CALN1: variants seen among roughly 807,000 people sequenced by gnomAD.
CALN1 encodes calcium-binding protein 8.
CALN1 carries 17 observed loss-of-function variants against 30.6 expected under a neutral mutation model. The observed-to-expected ratio is 0.56, with a 90% CI of 0.38 to 0.83. The LOEUF is 0.83. Ranked by LOEUF, CALN1 falls within the 40% of genes least tolerant of loss-of-function variation. The probability of loss-of-function intolerance (pLI) is 0.00; values close to 1 mark genes in which losing one functional copy is unlikely to be tolerated. For synonymous variants in CALN1, 156 were observed against 131.4 expected (o/e 1.19, Z -1.28); for missense variants, 291 against 354.9 (o/e 0.82, Z 1.45).
intron 5 of CALN1, among the ~76,000 whole-genome samples, chr7:71,925,499 T>G (rs1296518238): frequency 2.6e-5 from 4 of 151,672 alleles, no homozygotes; most frequent in South Asian, 2.1e-4. Context: ...TTTTTGGTTT[T>G]TTTTTTTGGT....
intron 4 of CALN1, among the ~76,000 whole-genome samples, chr7:72,073,694 CTCCTT>C (rs1804551576): frequency 6.7e-6 from 1 of 149,338 alleles, no homozygotes; most frequent in South Asian, 2.1e-4. Flanking sequence ...CTCCTCTCCT[CTCCTT>C]TCCTTCCTTT....
rs139579670 is a variant in CALN1 at position 71,791,213 on chromosome 7, T to C, written c.659-3311A>G. On this transcript the variant is annotated intron_variant, in intron 6 of 6. Transcript: ENST00000395275. ...GCTGTGTAGTATTCCATGGTGTTTA[T>C]GTACCACATTTCCTTTATCCAATCT... 3.9e-3 allele frequency among the ~76,000 whole-genome samples: 593 copies of C among 152,352 alleles called. 5 individuals carry two copies. Among genetic ancestry groups the C allele is most frequent in the African/African-American group, 0.014 (566 of 41,582 alleles).
At chr7:71,997,275 T>C (rs1799301800) in intron 5 of CALN1, among the ~76,000 whole-genome samples, 1 of 149,656 alleles carries the variant, frequency 6.7e-6, no homozygotes, top group African/African-American at 2.5e-5. Flanking sequence ...TGGAACCAAA[T>C]GGAAATTACA....
intron 2 of CALN1, among the ~76,000 whole-genome samples, chr7:72,291,549 G>A (rs1217339272): frequency 1.3e-5 from 2 of 152,190 alleles, no homozygotes; most frequent in Non-Finnish European, 2.9e-5. Flanking sequence ...CACATCCCCT[G>A]GAACACTGGC....
intron 2 of CALN1, among the ~76,000 whole-genome samples, chr7:72,376,536 ATTTGTCC>A (rs2129560592): frequency 6.6e-6 from 1 of 152,060 alleles, no homozygotes; most frequent in Non-Finnish European, 1.5e-5. Context: ...TACTCTAATT[ATTTGTCC>A]TTTTTTAATT....
At chr7:72,150,977 C>A (rs1390628806) in intron 3 of CALN1, among the ~76,000 whole-genome samples, 2 of 152,110 alleles carry the variant, frequency 1.3e-5, no homozygotes, top group African/African-American at 4.8e-5. Context: ...TAGGCACTAT[C>A]TACCAGCTGG....
intron 1 of CALN1, among the ~76,000 whole-genome samples, chr7:72,443,310 AAGGATCAATGCTC>A (rs1343792181): frequency 6.6e-6 from 1 of 152,180 alleles, no homozygotes; most frequent in Non-Finnish European, 1.5e-5. Context: ...CAGTTTGGTA[AAGGATCAATGCTC>A]AGTGCGTATT....
At chr7:72,357,238 A>C (rs1198076091) in intron 2 of CALN1, among the ~76,000 whole-genome samples, 1 of 151,918 alleles carries the variant, frequency 6.6e-6, no homozygotes, top group African/African-American at 2.4e-5. Flanking sequence ...GAACCAACGC[A>C]GTGCTGTGGG....
At chr7:72,104,686 C>A (rs1170243415) in intron 4 of CALN1, among the ~76,000 whole-genome samples, 1 of 152,120 alleles carries the variant, frequency 6.6e-6, no homozygotes, top group Non-Finnish European at 1.5e-5. Context: ...AGGCCGGGCG[C>A]GCTGGCTCAC....
At chr7:71,946,219 G>A (rs1183024137) in intron 5 of CALN1, among the ~76,000 whole-genome samples, 1 of 152,160 alleles carries the variant, frequency 6.6e-6, no homozygotes, top group Non-Finnish European at 1.5e-5. Context: ...CCAAAGGAGG[G>A]AAATCAGAAT....
At chr7:72,080,060 C>A (rs773368827) in intron 4 of CALN1, among the ~76,000 whole-genome samples, 2 of 151,824 alleles carry the variant, frequency 1.3e-5, no homozygotes, top group Non-Finnish European at 2.9e-5. Flanking sequence ...CGTAAGCCAC[C>A]GCACCTGGCC....
intron 6 of CALN1, among the ~76,000 whole-genome samples, chr7:71,798,188 C>G (rs1240597358): frequency 6.8e-6 from 1 of 147,536 alleles, no homozygotes; most frequent in East Asian, 2.0e-4. Flanking sequence ...GTTGCTTGAG[C>G]TCTTTGAGTC....
intron 3 of CALN1, among the ~76,000 whole-genome samples, chr7:72,153,279 C>G (rs1787396918): frequency 6.6e-6 from 1 of 152,162 alleles, no homozygotes; most frequent in African/African-American, 2.4e-5. Context: ...CCCACTGTTC[C>G]AGTAGGAGAG....
chr7:72,356,640 T>C (rs952676084), intron 2 of CALN1, among the ~76,000 whole-genome samples: 5 of 151,952 alleles, frequency 3.3e-5, no homozygotes, highest in East Asian at 3.8e-4. Context: ...CCTAATAATA[T>C]AGGCTCAAAA....
chr7:71,958,092 G>GAAAAAAAAAAAAAAAGAAAA (rs796711704), intron 5 of CALN1, among the ~76,000 whole-genome samples: 1 of 130,006 alleles, frequency 7.7e-6, no homozygotes, highest in African/African-American at 2.9e-5. Flanking sequence ...AAGAAAGAAA[G>GAAAAAAAAAAAAAAAGAAAA]AAAAAAAAAG....
chr7:72,149,805 G>C lies in CALN1; in HGVS notation c.245-43511C>G, dbSNP rs746089627. Among the ~76,000 whole-genome samples the C allele has an allele frequency of 1.3e-4, 20 of 152,160 alleles. 1 individual carries two copies. The South Asian group carries it at 3.1e-3, about 24-fold the overall frequency. ...GGCAGAAAGGACCTGGTCACTAACA[G>C]GCACTGCTATAGGAGTTACCAGGAC... is the stretch of plus-strand genomic sequence containing the variant. On this transcript the variant is annotated intron_variant, in intron 3 of 6. Transcript: ENST00000395275.
At chr7:72,384,234 T>C (rs1482529923) in intron 2 of CALN1, among the ~76,000 whole-genome samples, 1 of 152,210 alleles carries the variant, frequency 6.6e-6, no homozygotes, top group South Asian at 2.1e-4. Flanking sequence ...CTGAGAAGTG[T>C]AGTTTTTCCT....
At chr7:72,314,791 T>C (rs1433888749) in intron 2 of CALN1, among the ~76,000 whole-genome samples, 1 of 150,728 alleles carries the variant, frequency 6.6e-6, no homozygotes, top group Non-Finnish European at 1.5e-5. Context: ...TTTCTAAACA[T>C]GATTCCAAAA....
intron 6 of CALN1, among the ~76,000 whole-genome samples, chr7:71,798,061 C>G (rs1372871495): frequency 8.6e-5 from 10 of 116,936 alleles, no homozygotes; most frequent in South Asian, 2.8e-4. Context: ...GAGAGAGAGA[C>G]AGAGAGAGAG....
Sources: gnomAD v4.1 joint callset for allele counts (sites outside exome capture counted in the v4.1 genomes callset) on GRCh38, gnomAD v4.1.1 for gene constraint, MANE v1.5 for transcripts, NCBI Gene and HGNC (gene_info 2026-07-23, HGNC 2026-07-21) for gene names.